RBFOX1: variants seen among roughly 807,000 people sequenced by gnomAD.
RBFOX1 encodes RNA binding protein fox-1 homolog 1.
RBFOX1 carries 8 observed loss-of-function variants against 57.7 expected under a neutral mutation model. The observed-to-expected ratio is 0.14, with a 90% CI of 0.08 to 0.25. RBFOX1 has a LOEUF of 0.25. Among genes scored for constraint, RBFOX1 ranks in the 10% least tolerant of loss-of-function variants. The pLI is 1.00. For synonymous variants in RBFOX1, 326 were observed against 222.4 expected (o/e 1.47, Z -4.15); for missense variants, 611 against 548.5 (o/e 1.11, Z -1.14).
At chr16:5,952,157 GTT>G (rs1159690419) in intron 4 of RBFOX1, among the ~76,000 whole-genome samples, 1 of 141,506 alleles carries the variant, frequency 7.1e-6, no homozygotes. Flanking sequence ...TTTTGGTTTT[GTT>G]TTTTTTTTTG....
At chr16:7,691,993 C>A (rs1318901714) in intron 14 of RBFOX1, among the ~76,000 whole-genome samples, 1 of 152,108 alleles carries the variant, frequency 6.6e-6, no homozygotes, top group African/African-American at 2.4e-5. Context: ...CGTGTTATTG[C>A]CCCTTCTATA....
intron 3 of RBFOX1, among the ~76,000 whole-genome samples, chr16:6,737,671 G>A (rs2070783518): frequency 6.6e-6 from 1 of 152,144 alleles, no homozygotes. Flanking sequence ...GTTCAATATA[G>A]GCTAGGCTTT....
At chr16:5,623,508 T>C (rs901423525) in intron 3 of RBFOX1, among the ~76,000 whole-genome samples, 2 of 151,912 alleles carry the variant, frequency 1.3e-5, no homozygotes, top group Admixed American at 6.5e-5. Flanking sequence ...ATGAAGACTT[T>C]TCTGCATCTT....
chr16:7,436,704 C>G lies in RBFOX1; in HGVS notation c.28-81443C>G, dbSNP rs113120777. ...CTGAGCTCCAGCTCCTGGTGTCTGA[C>G]CTCCCATCTCAGTGAAATAGCTAGA... On this transcript the variant is annotated intron_variant, in intron 4 of 15. Coordinates refer to ENST00000550418, the MANE Select transcript of RBFOX1 (RefSeq NM_018723.4). 3.4e-3 allele frequency among the ~76,000 whole-genome samples: 516 copies of G among 152,286 alleles called. 1 individual carries two copies. Among genetic ancestry groups the G allele is most frequent in the African/African-American group, 0.012 (501 of 41,558 alleles).
chr16:6,750,971 A>C (rs771840980), intron 3 of RBFOX1, among the ~76,000 whole-genome samples: 3 of 152,136 alleles, frequency 2.0e-5, no homozygotes, highest in Non-Finnish European at 4.4e-5. Flanking sequence ...AGTGATATGA[A>C]GGTGCCAACT....
chr16:6,571,663 G>A (rs1202519241), intron 2 of RBFOX1, among the ~76,000 whole-genome samples: 1 of 152,252 alleles, frequency 6.6e-6, no homozygotes, highest in African/African-American at 2.4e-5. Context: ...TGAGCCTGCT[G>A]AAGGCATGCC....
intron 4 of RBFOX1, among the ~76,000 whole-genome samples, chr16:6,013,100 G>A (rs1002124877): frequency 6.6e-6 from 1 of 152,186 alleles, no homozygotes; most frequent in Non-Finnish European, 1.5e-5. Context: ...GTACAGGGAA[G>A]TGAATAGTGA....
chr16:7,076,505 A>C (rs2058324197), intron 4 of RBFOX1, among the ~76,000 whole-genome samples: 1 of 152,178 alleles, frequency 6.6e-6, no homozygotes, highest in Non-Finnish European at 1.5e-5. Flanking sequence ...CATATGCCTA[A>C]TATACAAAAA....
chr16:5,925,300 A>G (rs926111868), intron 4 of RBFOX1, among the ~76,000 whole-genome samples: 1 of 152,218 alleles, frequency 6.6e-6, no homozygotes, highest in African/African-American at 2.4e-5. Context: ...CTGTCTACCC[A>G]TACAGTGGGA....
chr16:6,690,636 G>A (rs2060070337), intron 3 of RBFOX1, among the ~76,000 whole-genome samples: 1 of 152,064 alleles, frequency 6.6e-6, no homozygotes, highest in Non-Finnish European at 1.5e-5. Context: ...TTCGTTGGCT[G>A]CTTAGGAATC....
intron 3 of RBFOX1, among the ~76,000 whole-genome samples, chr16:5,755,508 T>G (rs557699294): frequency 4.3e-4 from 65 of 152,338 alleles, no homozygotes; most frequent in African/African-American, 1.5e-3. Context: ...AGCCCTAAGC[T>G]GTGACTTAAA....
At chr16:6,625,120 G>C (rs554546939) in intron 2 of RBFOX1, among the ~76,000 whole-genome samples, 2 of 130,714 alleles carry the variant, frequency 1.5e-5, no homozygotes, top group Non-Finnish European at 1.5e-5. Flanking sequence ...AGTCAAGATC[G>C]TGCCATTGCA....
At chr16:5,965,237 G>C (rs1475475588) in intron 4 of RBFOX1, among the ~76,000 whole-genome samples, 4 of 152,150 alleles carry the variant, frequency 2.6e-5, no homozygotes, top group Non-Finnish European at 4.4e-5. Flanking sequence ...ACAGTATAGT[G>C]ACTATAGTTA....
intron 3 of RBFOX1, among the ~76,000 whole-genome samples, chr16:6,709,144 T>C (rs1568305939): frequency 6.6e-5 from 10 of 152,184 alleles, no homozygotes. Context: ...TTAAAGATGC[T>C]TTATTGAAAG....
In RBFOX1 at chr16:5,495,738, A is replaced by G. The variant is rs145739023; in HGVS notation, c.258+28484A>G. On this transcript the variant is annotated intron_variant, in intron 2 of 2. Coordinates refer to the RBFOX1 transcript ENST00000585867. ...TACCAGGACAGATCCATAAATACCC[A>G]TATCTGGTATTAATATGGGTGGCAG... 7.5e-3 allele frequency among the ~76,000 whole-genome samples: 1,144 copies of G among 152,318 alleles called. 17 individuals carry two copies. The highest frequency in any genetic ancestry group is 0.026 in the African/African-American group (1,076 of 41,566).
chr16:5,956,656 ATT>A lies in RBFOX1; in HGVS notation c.351+89323_351+89324del, dbSNP rs201033274. ...AAAAAACAAATATATATATATATAT[ATT>A]TATATATATATATATATATATTTTT... On this transcript the variant is annotated intron_variant, in intron 4 of 19. Transcript: ENST00000641259. 5.3e-3 allele frequency among the ~76,000 whole-genome samples: 415 copies of A among 78,902 alleles called. 1 individual carries two copies. The highest frequency in any genetic ancestry group is 0.016 in the African/African-American group (390 of 23,710). The allele number at this position is 78,902 out of a possible 152,430, so 51.8% of individuals were successfully genotyped here.
intron 3 of RBFOX1, among the ~76,000 whole-genome samples, chr16:5,833,494 CA>C (rs1183168830): frequency 0.026 from 1,562 of 59,548 alleles, 8 homozygotes; most frequent in Non-Finnish European, 0.029. Flanking sequence ...GACTCTATCT[CA>C]AAAAAAAAAA....
intron 3 of RBFOX1, among the ~76,000 whole-genome samples, chr16:6,691,985 AT>A (rs1480539356): frequency 6.6e-6 from 1 of 152,020 alleles, no homozygotes; most frequent in African/African-American, 2.4e-5. Context: ...AGGGACATGG[AT>A]TTTTCCCCTA....
chr16:5,663,991 A>G (rs1052058194), intron 3 of RBFOX1, among the ~76,000 whole-genome samples: 1 of 152,072 alleles, frequency 6.6e-6, no homozygotes, highest in African/African-American at 2.4e-5. Context: ...ATTCCTCAGT[A>G]TGAACATCAG....
Sources: allele counts gnomAD v4.1 joint callset (sites outside exome capture counted in the v4.1 genomes callset), GRCh38; gene constraint gnomAD v4.1.1; transcripts MANE v1.5; gene names NCBI Gene and HGNC (gene_info 2026-07-23, HGNC 2026-07-21).